TBK1: variants seen among roughly 807,000 people sequenced by gnomAD.
TBK1 encodes serine/threonine-protein kinase TBK1.
TBK1 carries 37 observed loss-of-function variants against 99.9 expected under a neutral mutation model. That is an observed-to-expected ratio of 0.37 (90% CI 0.28 to 0.49). The LOEUF is 0.49. TBK1 is among the 20% of genes least tolerant of loss of function. The pLI is 0.98. For synonymous variants in TBK1, 258 were observed against 279.8 expected, an observed-to-expected ratio of 0.92 and a Z score of 0.78; for missense variants, 644 against 872.5, an observed-to-expected ratio of 0.74 and a Z score of 3.30.
At chr12:64,466,670 G>A (rs2040607683) in intron 4 of TBK1, among the ~76,000 whole-genome samples, 1 of 151,802 alleles carries the variant, frequency 6.6e-6, no homozygotes, top group African/African-American at 2.4e-5. Flanking sequence ...AAGAGACACT[G>A]GATTTTTCCT....
chr12:64,490,305 G>T (rs568777600), intron 13 of TBK1, among the ~76,000 whole-genome samples, 186 bp downstream of exon 13: 1 of 152,272 alleles, frequency 6.6e-6, no homozygotes, highest in East Asian at 1.9e-4. Flanking sequence ...TTATGATGGT[G>T]CCACTGCACC....
At position 64,463,874 on chromosome 12, in the gene TBK1, T is replaced by G. The variant is rs1046919224; in HGVS notation, c.229-460T>G. Among the ~76,000 whole-genome samples the G allele has an allele frequency of 3.1e-4, 47 of 151,612 alleles. 1 individual carries two copies. Among genetic ancestry groups the G allele is most frequent in the African/African-American group, 3.1e-4 (13 of 41,334 alleles). On this transcript the variant is annotated intron_variant, in intron 3 of 20. Transcript: ENST00000331710. The stretch of plus-strand genomic sequence containing the variant: ...AAATGTTAGTTTTTTTTTTTTGTTT[T>G]TTTTTTTTGAGATGGAGTCTCGCTC...
intron 12 of TBK1, among the ~76,000 whole-genome samples, chr12:64,489,290 GT>G (rs1444789209): frequency 2.0e-5 from 3 of 152,106 alleles, no homozygotes; most frequent in Non-Finnish European, 4.4e-5. Context: ...ATTTTTACTT[GT>G]TAATCTTATT....
In TBK1 at chr12:64,485,933, CAG is replaced by C. The variant is rs1392685429; in HGVS notation, c.1257_1258del (p.Val421CysfsTer27). Reference sequence around the variant, plus strand: ...ATTTTATTTCTTTATTAGGCAATAACAGGGGTTGTGTGTTATGCCTGCAGAAT... The same window carrying C: ...ATTTTATTTCTTTATTAGGCAATAACGGGTTGTGTGTTATGCCTGCAGAAT... On this transcript the variant is annotated frameshift_variant, in exon 11 of 21. Transcript: ENST00000331710. LOFTEE classifies it high-confidence loss of function. The C allele has an allele frequency of 6.4e-7, 1 of 1,570,586 alleles. No individual in the cohort carries two copies. The highest frequency in any genetic ancestry group is 8.6e-7 in the Non-Finnish European group (1 of 1,160,418).
chr12:64,484,563 CA>C, intron 9 of TBK1, 64 bp downstream of exon 9: 1 of 1,473,478 alleles, frequency 6.8e-7, no homozygotes, highest in Admixed American at 2.2e-5. Context: ...GCCTGGGCAA[CA>C]TAGTGAGACC....
intron 13 of TBK1, among the ~76,000 whole-genome samples, chr12:64,494,068 A>G (rs1381301584): frequency 2.0e-5 from 3 of 152,226 alleles, no homozygotes; most frequent in Admixed American, 6.5e-5. Context: ...GACTTTTTCC[A>G]TAAACTATTT....
intron 6 of TBK1, among the ~76,000 whole-genome samples, 165 bp downstream of exon 6, chr12:64,474,555 G>A (rs2040693802): frequency 6.6e-6 from 1 of 152,080 alleles, no homozygotes; most frequent in Admixed American, 6.5e-5. Context: ...ATAAAAGTTT[G>A]CATAATTTTA....
chr12:64,479,896 A>G (rs528782441), intron 6 of TBK1, 116 bp from the exon 7 acceptor site: 99 of 621,020 alleles, frequency 1.6e-4, no homozygotes, highest in South Asian at 4.1e-4. Flanking sequence ...CATCAATCAC[A>G]AAGTTTCATC....
intron 2 of TBK1, among the ~76,000 whole-genome samples, chr12:64,456,704 T>C (rs1191553589): frequency 6.6e-6 from 1 of 151,694 alleles, no homozygotes; most frequent in Non-Finnish European, 1.5e-5. Context: ...TAGCCAGGCG[T>C]GGTGGCGGGC....
At chr12:64,492,549 G>A (rs1185583184) in intron 13 of TBK1, among the ~76,000 whole-genome samples, 5 of 151,982 alleles carry the variant, frequency 3.3e-5, no homozygotes, top group Admixed American at 1.3e-4. Context: ...CAGGTGATCC[G>A]CCCGCCTTGG....
Position 64,495,510 on chromosome 12 carries a change from A to G in TBK1, c.1549A>G (p.Thr517Ala). Residue 517 changes from threonine to alanine, a missense_variant, in exon 14 of 21, where the codon ACC becomes GCC. Physicochemically the swap from Thr to Ala is moderately conservative, Grantham distance 58 (BLOSUM62 0). Coordinates refer to ENST00000331710, the MANE Select transcript of TBK1 (RefSeq NM_013254.4). Reference protein sequence around the residue: ...RLSSSQGTIETSLQDIDSRLS... With the variant: ...RLSSSQGTIEASLQDIDSRLS... The stretch of plus-strand genomic sequence containing the variant: ...TTCCAGTTCTCAGGGAACAATAGAA[A>G]CCAGTCTTCAGGATATCGACAGCAG... 9.3e-6 allele frequency: 15 copies of G among 1,614,030 alleles called. No individual in the cohort carries two copies. Among genetic ancestry groups the G allele is most frequent in the Non-Finnish European group, 1.1e-5 (13 of 1,179,940 alleles).
chr12:64,463,039 G>T (rs2040563017), intron 3 of TBK1, among the ~76,000 whole-genome samples: 1 of 152,112 alleles, frequency 6.6e-6, no homozygotes, highest in Non-Finnish European at 1.5e-5. Flanking sequence ...TTCATTTTAA[G>T]AGGTTAGAAG....
chr12:64,492,920 C>T (rs1470123849), intron 13 of TBK1, among the ~76,000 whole-genome samples: 1 of 133,864 alleles, frequency 7.5e-6, no homozygotes, highest in African/African-American at 2.9e-5. Context: ...TTTTTGGAGA[C>T]GAAGTTGCTC....
chr12:64,471,805 A>G (rs1262077470), intron 5 of TBK1, among the ~76,000 whole-genome samples: 2 of 152,194 alleles, frequency 1.3e-5, no homozygotes, highest in African/African-American at 2.4e-5. Flanking sequence ...GCCAGTGGGC[A>G]CAAATGTATC....
intron 5 of TBK1, among the ~76,000 whole-genome samples, chr12:64,471,297 T>G (rs893852394): frequency 6.6e-6 from 1 of 151,796 alleles, no homozygotes; most frequent in African/African-American, 2.4e-5. Flanking sequence ...GCCTCCTAGA[T>G]AGCTGGGGTT....
chr12:64,459,256 A>G (rs1283536042), intron 2 of TBK1, among the ~76,000 whole-genome samples: 1 of 152,166 alleles, frequency 6.6e-6, no homozygotes, highest in Non-Finnish European at 1.5e-5. Context: ...GTAAGGCTAA[A>G]CTCAAGATCT....
chr12:64,475,852 T>C (rs936071573), intron 6 of TBK1, among the ~76,000 whole-genome samples: 5 of 152,150 alleles, frequency 3.3e-5, no homozygotes, highest in African/African-American at 1.2e-4. Context: ...TTAGGTAGGA[T>C]GATTTATTTT....
chr12:64,493,309 G>C (rs1366259743), intron 13 of TBK1, among the ~76,000 whole-genome samples: 1 of 152,092 alleles, frequency 6.6e-6, no homozygotes, highest in African/African-American at 2.4e-5. Context: ...TTTGTCCATT[G>C]CCCTGCAGCA....
In TBK1 at chr12:64,474,371, C is replaced by T; in HGVS notation, c.682C>T (p.Arg228Cys). The change falls in exon 6 of 21, where the codon CGT (arginine) becomes TGT (cysteine). Residue 228 changes from arginine (R) to cysteine (C), a missense_variant. Physicochemically the swap from Arg to Cys is radical, Grantham distance 180 (BLOSUM62 -3). Coordinates refer to ENST00000331710, the MANE Select transcript of TBK1 (RefSeq NM_013254.4). ...GCCATTTAGACCCTTTGAAGGGCCT[C>T]GTAGGAATAAAGAAGTGATGTAAGT... ...SLPFRPFEGP[R>C]RNKEVMYKII... 1 of 1,611,582 alleles carries T rather than the reference C, an allele frequency of 6.2e-7. No individual in the cohort carries two copies. The highest frequency in any genetic ancestry group is 8.5e-7 in the Non-Finnish European group (1 of 1,179,316).
Sources: gnomAD v4.1 joint callset for allele counts (sites outside exome capture counted in the v4.1 genomes callset) on GRCh38, gnomAD v4.1.1 for gene constraint, MANE v1.5 for transcripts, NCBI Gene and HGNC (gene_info 2026-07-23, HGNC 2026-07-21) for gene names.